KCNAB1: variants seen among roughly 807,000 people sequenced by gnomAD.
KCNAB1 encodes potassium voltage-gated channel subfamily A regulatory beta subunit 1, also known as voltage-gated potassium channel subunit beta-1.
KCNAB1 carries 35 observed loss-of-function variants against 64.6 expected under a neutral mutation model. The observed-to-expected ratio is 0.54, with a 90% CI of 0.41 to 0.72. The LOEUF is 0.72. Ranked by LOEUF, KCNAB1 falls within the 30% of genes least tolerant of loss-of-function variation. The pLI, the probability that KCNAB1 is intolerant of heterozygous loss-of-function variation, is 0.00. For synonymous variants in KCNAB1, 177 were observed against 183.8 expected (o/e 0.96, Z 0.30); for missense variants, 401 against 512.9 (o/e 0.78, Z 2.11).
At chr3:156,199,996 G>A (rs1714221184) in intron 1 of KCNAB1, among the ~76,000 whole-genome samples, 1 of 152,114 alleles carries the variant, frequency 6.6e-6, no homozygotes, top group African/African-American at 2.4e-5. Context: ...GCCTTTGGAT[G>A]GGGTTTTTGA....
In KCNAB1 at chr3:156,179,478, G is replaced by T. The variant is rs769450765; in HGVS notation, c.275+58592G>T. 4.4e-4 allele frequency among the ~76,000 whole-genome samples: 53 copies of T among 120,684 alleles called. 1 individual carries two copies. The highest frequency in any genetic ancestry group is 4.0e-4 in the Non-Finnish European group (26 of 64,372). 79.2% of individuals were successfully genotyped at this position (120,684 alleles called of 152,430 possible). A position where few individuals can be genotyped will look rare whatever the true frequency, so the allele number is the denominator to read the frequency against. On this transcript the variant is annotated intron_variant, in intron 1 of 13. Transcript: ENST00000490337. Reference sequence around the variant, plus strand: ...CCCGCGTTCTTCTGGCTAATTGCTCGTTATTTCACGTGGAAGGACCCAGCC... The same window carrying T: ...CCCGCGTTCTTCTGGCTAATTGCTCTTTATTTCACGTGGAAGGACCCAGCC...
intron 1 of KCNAB1, among the ~76,000 whole-genome samples, chr3:156,310,552 C>G (rs902450480): frequency 1.3e-5 from 2 of 152,082 alleles, no homozygotes; most frequent in Admixed American, 1.3e-4. Context: ...GCCTGTAATC[C>G]CAGCACTTTG....
At chr3:156,147,970 C>T (rs1006247425) in intron 1 of KCNAB1, among the ~76,000 whole-genome samples, 2 of 151,926 alleles carry the variant, frequency 1.3e-5, no homozygotes, top group Admixed American at 1.3e-4. Flanking sequence ...CGCACGCACA[C>T]GCACACACAA....
intron 1 of KCNAB1, among the ~76,000 whole-genome samples, chr3:156,351,086 G>A (rs1400826152): frequency 6.6e-6 from 1 of 152,252 alleles, no homozygotes; most frequent in Non-Finnish European, 1.5e-5. Context: ...AGTATGGAAA[G>A]GAAATGAAAA....
Position 156,213,396 on chromosome 3 carries a change from T to C in KCNAB1, c.275+92510T>C, listed in dbSNP as rs146196126. ...CTATGCCTGGCTAATTTTTCTTTTG[T>C]AGAGACAGGGTCTCACTATGTTGAC... On this transcript the variant is annotated intron_variant, in intron 1 of 13. Coordinates refer to ENST00000490337, the MANE Select transcript of KCNAB1 (RefSeq NM_172160.3). 4.6e-3 allele frequency among the ~76,000 whole-genome samples: 707 copies of C among 152,258 alleles called. 8 individuals carry two copies. Among genetic ancestry groups the C allele is most frequent in the African/African-American group, 0.016 (677 of 41,548 alleles).
intron 1 of KCNAB1, among the ~76,000 whole-genome samples, chr3:156,362,240 A>G (rs1033086938): frequency 6.6e-6 from 1 of 152,262 alleles, no homozygotes; most frequent in African/African-American, 2.4e-5. Flanking sequence ...ATTTTCTAAA[A>G]GCGTAATTTT....
intron 1 of KCNAB1, among the ~76,000 whole-genome samples, chr3:156,324,314 A>G (rs941002578): frequency 3.9e-5 from 6 of 152,156 alleles, no homozygotes; most frequent in African/African-American, 1.4e-4. Context: ...TATATTTTCT[A>G]TATTAGTCTA....
At chr3:156,335,439 A>G (rs1029447634) in intron 1 of KCNAB1, among the ~76,000 whole-genome samples, 5 of 152,164 alleles carry the variant, frequency 3.3e-5, no homozygotes, top group African/African-American at 9.7e-5. Context: ...CTCACATACT[A>G]TGAAATTATT....
At chr3:156,296,461 T>TCC (rs9331285) in intron 1 of KCNAB1, among the ~76,000 whole-genome samples, 33 of 111,754 alleles carry the variant, frequency 3.0e-4, no homozygotes, top group Admixed American at 8.7e-4. Flanking sequence ...AAACTTCAAC[T>TCC]CCCCCCCCCC....
chr3:156,330,106 TA>T (rs1723235604), intron 1 of KCNAB1, among the ~76,000 whole-genome samples: 1 of 152,178 alleles, frequency 6.6e-6, no homozygotes, highest in Non-Finnish European at 1.5e-5. Flanking sequence ...TTCACAAACT[TA>T]AGTGTGTAAA....
chr3:156,344,332 T>G (rs1193452879), intron 1 of KCNAB1, among the ~76,000 whole-genome samples: 1 of 152,202 alleles, frequency 6.6e-6, no homozygotes, highest in African/African-American at 2.4e-5. Flanking sequence ...CGCTGATTTT[T>G]TTATGCTCTC....
intron 1 of KCNAB1, among the ~76,000 whole-genome samples, chr3:156,361,754 G>C (rs1725629312): frequency 6.6e-6 from 1 of 152,108 alleles, no homozygotes; most frequent in Non-Finnish European, 1.5e-5. Flanking sequence ...GACCTCCTGG[G>C]CTCAAGGGAT....
chr3:156,479,449 A>T (rs1714625385), intron 8 of KCNAB1, among the ~76,000 whole-genome samples: 1 of 152,022 alleles, frequency 6.6e-6, no homozygotes, highest in South Asian at 2.1e-4. Flanking sequence ...ACTTTCTGTC[A>T]TTCCCAAACA....
intron 1 of KCNAB1, among the ~76,000 whole-genome samples, chr3:156,402,783 G>T (rs1713994002): frequency 6.6e-6 from 1 of 152,146 alleles, no homozygotes; most frequent in African/African-American, 2.4e-5. Flanking sequence ...ACTGTTGAAG[G>T]CTCAGTAGTC....
At chr3:156,394,740 A>C (rs1378476503) in intron 1 of KCNAB1, among the ~76,000 whole-genome samples, 1 of 152,226 alleles carries the variant, frequency 6.6e-6, no homozygotes, top group African/African-American at 2.4e-5. Flanking sequence ...GTAACTGCCG[A>C]TTAATTTCCA....
chr3:156,474,877 A>T (rs564105756), intron 8 of KCNAB1, 57 bp downstream of exon 8: 1 of 1,252,270 alleles, frequency 8.0e-7, no homozygotes, highest in South Asian at 1.2e-5. Context: ...TTGAGGGCTT[A>T]TTCTGCTCAC....
intron 1 of KCNAB1, among the ~76,000 whole-genome samples, chr3:156,284,991 G>T (rs866016301): frequency 6.6e-6 from 1 of 152,032 alleles, no homozygotes; most frequent in Non-Finnish European, 1.5e-5. Context: ...CTCCTCCCCC[G>T]GGGAATACTT....
intron 1 of KCNAB1, among the ~76,000 whole-genome samples, chr3:156,388,189 T>G (rs141242146): frequency 1.1e-4 from 16 of 152,312 alleles, no homozygotes; most frequent in African/African-American, 3.6e-4. Context: ...GCCAGAACCC[T>G]GCAGACCCAG....
At chr3:156,287,520 A>G (rs1720166083) in intron 1 of KCNAB1, among the ~76,000 whole-genome samples, 1 of 152,078 alleles carries the variant, frequency 6.6e-6, no homozygotes, top group Non-Finnish European at 1.5e-5. Context: ...TATACATCCT[A>G]TATACAATGT....
Sources: gnomAD v4.1 joint callset for allele counts (sites outside exome capture counted in the v4.1 genomes callset) on GRCh38, gnomAD v4.1.1 for gene constraint, MANE v1.5 for transcripts, NCBI Gene and HGNC (gene_info 2026-07-23, HGNC 2026-07-21) for gene names.